The following MOB1B variants were observed in gnomAD, a reference collection of about 807,000 sequenced individuals.
MOB1B encodes MOB1 Mps One Binder homolog B.
Under a neutral mutation model 24.4 loss-of-function variants are expected in MOB1B, and 19 were observed. That is an observed-to-expected ratio of 0.78 (90% CI 0.54 to 1.14). MOB1B has a LOEUF of 1.14. MOB1B is among the 50% of genes most tolerant of loss of function. The probability of loss-of-function intolerance (pLI) is 0.00; values close to 1 mark genes in which losing one functional copy is unlikely to be tolerated. For synonymous variants in MOB1B, 76 were observed against 82.1 expected (o/e 0.93, Z 0.40); for missense variants, 243 against 259.6 (o/e 0.94, Z 0.44).
intron 2 of MOB1B, among the ~76,000 whole-genome samples, chr4:70,964,285 C>G (rs1225283106): frequency 1.3e-5 from 2 of 152,128 alleles, no homozygotes; most frequent in Admixed American, 1.3e-4. Context: ...CCTAGGAGCA[C>G]ATGACCTAAG....
chr4:70,956,467 A>G (rs910055465), intron 1 of MOB1B, among the ~76,000 whole-genome samples: 1 of 151,752 alleles, frequency 6.6e-6, no homozygotes, highest in Non-Finnish European at 1.5e-5. Context: ...GTTTTGCTCT[A>G]TCACCCAGGC....
chr4:70,973,924 A>G (rs1197105855), intron 3 of MOB1B, among the ~76,000 whole-genome samples: 1 of 152,092 alleles, frequency 6.6e-6, no homozygotes, highest in East Asian at 1.9e-4. Context: ...ACCCTATAGT[A>G]TTTTTCTGTT....
In MOB1B at chr4:70,947,577, G is replaced by T. The variant is rs565063358; in HGVS notation, c.15-11297G>T. Among the ~76,000 whole-genome samples, 5 of 152,228 alleles carry T rather than the reference G, an allele frequency of 3.3e-5. No individual in the cohort carries two copies. The East Asian group carries it at 9.6e-4, about 29-fold the overall frequency. On this transcript the variant is annotated intron_variant, in intron 1 of 5. Transcript: ENST00000309395. ...ATCGGCAAAGATTTGCTGCTAGTCG[G>T]TGGCTTGATATTTGACCTTCTTTAC... is the stretch of plus-strand genomic sequence containing the variant.
chr4:70,935,902 AG>A (rs1737064962), intron 1 of MOB1B, among the ~76,000 whole-genome samples: 1 of 127,450 alleles, frequency 7.8e-6, no homozygotes, highest in Non-Finnish European at 1.6e-5. Context: ...CCCAGGCTGG[AG>A]TGCAGTGGCG....
At chr4:70,969,895 A>G in intron 2 of MOB1B, 36 bp from the exon 3 acceptor site, 1 of 1,175,492 alleles carries the variant, frequency 8.5e-7, no homozygotes, top group Non-Finnish European at 1.3e-6. Context: ...AAATTTAGCC[A>G]TTCTGTTTTA....
chr4:70,910,284 G>T (rs1245229807), intron 1 of MOB1B, among the ~76,000 whole-genome samples: 10 of 150,948 alleles, frequency 6.6e-5, no homozygotes, highest in African/African-American at 2.4e-4. Flanking sequence ...CAAGCAATCT[G>T]CCTGCCTCGG....
chr4:70,943,846 T>G (rs1263514815), intron 1 of MOB1B, among the ~76,000 whole-genome samples: 1 of 152,140 alleles, frequency 6.6e-6, no homozygotes, highest in Non-Finnish European at 1.5e-5. Flanking sequence ...TCTAGATTTT[T>G]GGAGAAAATC....
intron 1 of MOB1B, chr4:70,942,809 T>G: frequency 5.4e-6 from 5 of 923,006 alleles, no homozygotes; most frequent in Non-Finnish European, 5.2e-6. Flanking sequence ...AAATATTGTG[T>G]TTTTTGTCTG....
intron 4 of MOB1B, 61 bp from the exon 5 acceptor site, chr4:70,979,067 C>A (rs1739104961): frequency 7.2e-7 from 1 of 1,398,314 alleles, no homozygotes; most frequent in Non-Finnish European, 1.0e-6. Flanking sequence ...CCTTTGCCGA[C>A]AAACTCATTG....
intron 1 of MOB1B, among the ~76,000 whole-genome samples, chr4:70,910,000 G>T (rs964888515): frequency 6.6e-6 from 1 of 151,676 alleles, no homozygotes; most frequent in African/African-American, 2.4e-5. Context: ...CTCCCACCTC[G>T]GCCTCCCAAA....
At chr4:70,925,825 A>C (rs186379426) in intron 1 of MOB1B, among the ~76,000 whole-genome samples, 1 of 152,176 alleles carries the variant, frequency 6.6e-6, no homozygotes, top group African/African-American at 2.4e-5. Context: ...GGGAGCCTCA[A>C]TGTAGATCCC....
At chr4:70,941,435 G>A (rs1737334297) in intron 1 of MOB1B, among the ~76,000 whole-genome samples, 1 of 151,932 alleles carries the variant, frequency 6.6e-6, no homozygotes, top group Non-Finnish European at 1.5e-5. Flanking sequence ...TCCGCCTCCT[G>A]GGTTCACGCC....
intron 1 of MOB1B, among the ~76,000 whole-genome samples, chr4:70,924,505 T>C (rs897525696): frequency 1.3e-5 from 2 of 152,186 alleles, no homozygotes; most frequent in Admixed American, 6.5e-5. Flanking sequence ...AATTATACTT[T>C]AAGTTCTAGG....
chr4:70,953,206 T>G (rs890011782), intron 1 of MOB1B, among the ~76,000 whole-genome samples: 5 of 152,092 alleles, frequency 3.3e-5, no homozygotes, highest in African/African-American at 1.2e-4. Flanking sequence ...CCCAAAGTGC[T>G]GGGATTACAG....
intron 1 of MOB1B, among the ~76,000 whole-genome samples, chr4:70,957,272 A>G (rs954450626): frequency 6.6e-6 from 1 of 150,598 alleles, no homozygotes; most frequent in Non-Finnish European, 1.5e-5. Context: ...AAAAAAAAAA[A>G]AAAAAACAGA....
rs779907586 is a variant in MOB1B at position 70,985,387 on chromosome 4, TATA to T, written c.*3333_*3335del. The T allele has an allele frequency of 6.6e-6, 1 of 152,172 alleles. No homozygotes were observed. The highest frequency in any genetic ancestry group is 1.5e-5 in the Non-Finnish European group (1 of 68,036). The allele number at this position is 152,172 out of a possible 1,614,324, so 9.4% of individuals were successfully genotyped here. A position where few individuals can be genotyped will look rare whatever the true frequency, so the allele number is the denominator to read the frequency against. On this transcript the variant is annotated 3_prime_UTR_variant, in exon 6 of 6. Transcript: ENST00000309395. ...GTTTATTCCAGCTATACTGCAAAAG[TATA>T]ATGTTTTTGGAACTGTTCTAGAGCA...
intron 1 of MOB1B, among the ~76,000 whole-genome samples, chr4:70,953,935 C>CT (rs1491297810): frequency 6.6e-6 from 1 of 152,082 alleles, no homozygotes; most frequent in African/African-American, 2.4e-5. Context: ...CAGAGCAAGA[C>CT]TCTGTCTTAA....
At chr4:70,920,102 A>G (rs1039435752) in intron 1 of MOB1B, among the ~76,000 whole-genome samples, 3 of 152,196 alleles carry the variant, frequency 2.0e-5, no homozygotes, top group African/African-American at 7.2e-5. Context: ...TATTTTACCA[A>G]TTATCTTTAA....
chr4:70,937,329 G>A (rs1737126046), intron 1 of MOB1B, among the ~76,000 whole-genome samples: 1 of 151,394 alleles, frequency 6.6e-6, no homozygotes, highest in Admixed American at 6.6e-5. Context: ...AATTCATAAT[G>A]GCATCCTCTG....
Sources: allele counts gnomAD v4.1 joint callset (sites outside exome capture counted in the v4.1 genomes callset), GRCh38; gene constraint gnomAD v4.1.1; transcripts MANE v1.5; gene names NCBI Gene and HGNC (gene_info 2026-07-23, HGNC 2026-07-21).